Variants in WLS observed in about 807,000 individuals in gnomAD.
The protein encoded by WLS is protein wntless homolog.
In WLS, 23 loss-of-function variants were observed where a neutral mutation model predicts 62.8. The ratio of observed to expected loss-of-function variants is 0.37; its 90% confidence interval spans 0.26 to 0.52. The LOEUF is 0.52. WLS is among the 20% of genes least tolerant of loss of function. The pLI is 0.92. For missense variants in WLS, 615 were observed against 697.3 expected (o/e 0.88, Z 1.33); for synonymous variants, 246 against 244.1 (o/e 1.01, Z -0.07).
At chr1:68,178,705 CAAAAAAA>C (rs376126398) in intron 2 of WLS, among the ~76,000 whole-genome samples, 2 of 108,232 alleles carry the variant, frequency 1.8e-5, no homozygotes, top group East Asian at 2.8e-4. Context: ...GACTACATTT[CAAAAAAA>C]AAAAAAAGAA....
At chr1:68,179,883 C>T (rs1181879789) in intron 2 of WLS, among the ~76,000 whole-genome samples, 3 of 152,124 alleles carry the variant, frequency 2.0e-5, no homozygotes, top group East Asian at 1.9e-4. Context: ...TCTCGAATTA[C>T]TGAAACACAA....
intron 5 of WLS, among the ~76,000 whole-genome samples, chr1:68,151,656 G>A (rs981231652): frequency 1.3e-5 from 2 of 152,106 alleles, no homozygotes; most frequent in African/African-American, 2.4e-5. Context: ...GTGATTTTAC[G>A]TAAGGTGGAC....
At chr1:68,135,306 T>A (rs1018099451) in intron 11 of WLS, among the ~76,000 whole-genome samples, 1 of 25,976 alleles carries the variant, frequency 3.8e-5, no homozygotes, top group African/African-American at 1.7e-4. Flanking sequence ...CATGCCTGGC[T>A]TTTTTTTTTT....
chr1:68,209,507 G>A (rs190048435), intron 1 of WLS, among the ~76,000 whole-genome samples: 156 of 152,308 alleles, frequency 1.0e-3, no homozygotes, highest in African/African-American at 1.8e-3. Context: ...GGCCGGGCAC[G>A]TTGGCTCGTG....
intron 10 of WLS, among the ~76,000 whole-genome samples, chr1:68,139,263 T>A (rs1163750564): frequency 6.6e-6 from 1 of 152,204 alleles, no homozygotes; most frequent in African/African-American, 2.4e-5. Flanking sequence ...TAACCATTAC[T>A]AATTTTAGGA....
intron 1 of WLS, among the ~76,000 whole-genome samples, chr1:68,194,744 T>G (rs981679605): frequency 2.0e-5 from 3 of 152,174 alleles, no homozygotes; most frequent in African/African-American, 7.2e-5. Context: ...GGCTCTAAAA[T>G]TGTACAACAT....
chr1:68,209,414 C>T (rs984219149), intron 1 of WLS, among the ~76,000 whole-genome samples: 19 of 152,150 alleles, frequency 1.2e-4, no homozygotes. Context: ...TAATGGCTAC[C>T]ACTTGTTGGA....
At chr1:68,148,775 A>AG in intron 6 of WLS, 115 bp from the exon 7 acceptor site, 3 of 861,716 alleles carry the variant, frequency 3.5e-6, no homozygotes, top group African/African-American at 1.7e-5. Flanking sequence ...ATCAAGCACT[A>AG]TGCTAGATTC....
chr1:68,103,689 A>AG (rs767715216), intron 11 of WLS, among the ~76,000 whole-genome samples: 18 of 152,316 alleles, frequency 1.2e-4, no homozygotes, highest in Non-Finnish European at 2.4e-4. Context: ...TTATCAGAAG[A>AG]GGCCAGGGTG....
At position 68,137,912 on chromosome 1, in the gene WLS, A is replaced by G. The variant is rs764816861; in HGVS notation, c.1384T>C (p.Trp462Arg). The change falls in exon 11 of 12, where the codon TGG (tryptophan) becomes CGG (arginine). Residue 462 changes from tryptophan (W) to arginine (R), a missense_variant. By Grantham distance (101) the Trp-to-Arg change is moderately radical. Coordinates refer to ENST00000262348, the MANE Select transcript of WLS (RefSeq NM_024911.7). ...TTCACTTGGACTGTGACGCCGCCCCATTTCCAATGGCCTTCCGTTACCTGC... is the reference window on the plus strand; with the variant it reads ...TTCACTTGGACTGTGACGCCGCCCCGTTTCCAATGGCCTTCCGTTACCTGC... ...VSQVTEGHWK[W>R]GGVTVQVNSA... 1.2e-6 allele frequency: 2 copies of G among 1,613,894 alleles called. No individual in the cohort carries two copies. Among genetic ancestry groups the G allele is most frequent in the Non-Finnish European group, 1.7e-6 (2 of 1,179,866 alleles).
intron 1 of WLS, among the ~76,000 whole-genome samples, chr1:68,220,205 T>C (rs771099618): frequency 7.2e-5 from 11 of 152,186 alleles, no homozygotes; most frequent in Middle Eastern, 3.2e-3. Context: ...TCTTGCCTAA[T>C]AGGAAGGCTA....
chr1:68,156,059 G>A (rs2100487950), intron 3 of WLS, among the ~76,000 whole-genome samples: 1 of 152,272 alleles, frequency 6.6e-6, no homozygotes, highest in East Asian at 1.9e-4. Context: ...GGACAGTAGG[G>A]AGACACCTTT....
intron 11 of WLS, among the ~76,000 whole-genome samples, chr1:68,107,516 T>C (rs1378037211): frequency 6.6e-6 from 1 of 152,186 alleles, no homozygotes; most frequent in Non-Finnish European, 1.5e-5. Context: ...TGCCTCAGTA[T>C]CCTCATCTGC....
At position 68,232,468 on chromosome 1, in the gene WLS, C is replaced by G. The variant is rs533877091; in HGVS notation, c.-169G>C. 1.5e-6 allele frequency: 2 copies of G among 1,340,142 alleles called. No homozygotes were observed. Among genetic ancestry groups the G allele is most frequent in the Non-Finnish European group, 1.9e-6 (2 of 1,033,330 alleles). The allele number at this position is 1,340,142 out of a possible 1,614,324, so 83.0% of individuals were successfully genotyped here. A position where few individuals can be genotyped will look rare whatever the true frequency, so the allele number is the denominator to read the frequency against. ...GGGACCGGGACGGAAGGCGCCCGCA[C>G]GGATTCCCCCGGCGCAGCCGGCTCG... On this transcript the variant is annotated 5_prime_UTR_variant, in exon 1 of 12. Coordinates refer to ENST00000262348, the MANE Select transcript of WLS (RefSeq NM_024911.7).
intron 9 of WLS, among the ~76,000 whole-genome samples, chr1:68,145,517 A>G (rs1475129218): frequency 1.2e-4 from 19 of 152,134 alleles, no homozygotes; most frequent in Non-Finnish European, 2.8e-4. Flanking sequence ...ATTCTGGGAC[A>G]GAACTTTGAC....
intron 11 of WLS, among the ~76,000 whole-genome samples, chr1:68,131,800 T>C (rs867613413): frequency 6.6e-6 from 1 of 152,116 alleles, no homozygotes; most frequent in African/African-American, 2.4e-5. Context: ...ATGAGGTCAA[T>C]TGGGGATGGG....
intron 11 of WLS, among the ~76,000 whole-genome samples, chr1:68,105,681 C>T (rs1646134209): frequency 6.6e-6 from 1 of 152,142 alleles, no homozygotes; most frequent in Admixed American, 6.5e-5. Flanking sequence ...GGGAAACACA[C>T]AAAAGATGTA....
chr1:68,168,713 C>A (rs1647100076), intron 2 of WLS, among the ~76,000 whole-genome samples: 1 of 152,190 alleles, frequency 6.6e-6, no homozygotes, highest in Admixed American at 6.5e-5. Flanking sequence ...AGGGGAGCTG[C>A]CAGTCACCAG....
Position 68,223,908 on chromosome 1 carries a change from C to T in WLS, c.106+8286G>A, listed in dbSNP as rs180947835. On this transcript the variant is annotated intron_variant, in intron 1 of 11. Coordinates refer to ENST00000262348, the MANE Select transcript of WLS (RefSeq NM_024911.7). Reference sequence around the variant, plus strand: ...ACCAAGGCAGCAGTTAACTGGCCTCCAACCAACTTTCATGAGGCTGGCCTT... The same window carrying T: ...ACCAAGGCAGCAGTTAACTGGCCTCTAACCAACTTTCATGAGGCTGGCCTT... Among the ~76,000 whole-genome samples, 11 of 152,330 alleles carry T rather than the reference C, an allele frequency of 7.2e-5. No individual in the cohort carries two copies. In the East Asian group the frequency reaches 1.9e-3, roughly 27 times the overall value.
Sources: gnomAD v4.1 joint callset for allele counts (sites outside exome capture counted in the v4.1 genomes callset) on GRCh38, gnomAD v4.1.1 for gene constraint, MANE v1.5 for transcripts, NCBI Gene and HGNC (gene_info 2026-07-23, HGNC 2026-07-21) for gene names.